Variants in VPS13A observed in about 807,000 individuals in gnomAD.
VPS13A encodes intermembrane lipid transfer protein VPS13A.
In VPS13A, 264 loss-of-function variants were observed where a neutral mutation model predicts 390.9. The ratio of observed to expected loss-of-function variants is 0.68; its 90% CI spans 0.61 to 0.75. The LOEUF is 0.75. VPS13A is among the 30% of genes least tolerant of loss of function. The pLI, the probability that VPS13A is intolerant of heterozygous loss-of-function variation, is 0.00. For synonymous variants in VPS13A, 1,231 were observed against 1,227.1 expected (o/e 1.00, Z -0.07); for missense variants, 3,409 against 3,733.9 (o/e 0.91, Z 2.27).
chr9:77,329,805 T>C (rs1439899288), intron 45 of VPS13A, among the ~76,000 whole-genome samples: 1 of 152,234 alleles, frequency 6.6e-6, no homozygotes, highest in Non-Finnish European at 1.5e-5. Context: ...AATTTACTAC[T>C]TTTGATAGTC....
intron 9 of VPS13A, 63 bp downstream of exon 9, chr9:77,213,377 G>T (rs1826079955): frequency 7.5e-7 from 1 of 1,324,572 alleles, no homozygotes; most frequent in Non-Finnish European, 1.1e-6. Context: ...TTAATTCATT[G>T]TCATTTATCT....
At chr9:77,285,205 G>A (rs1309005691) in intron 31 of VPS13A, among the ~76,000 whole-genome samples, 1 of 152,234 alleles carries the variant, frequency 6.6e-6, no homozygotes, top group South Asian at 2.1e-4. Flanking sequence ...AGAGGCATAA[G>A]GTTTTTGCCC....
chr9:77,368,777 A>C (rs1235407130), intron 62 of VPS13A, among the ~76,000 whole-genome samples: 1 of 152,228 alleles, frequency 6.6e-6, no homozygotes, highest in African/African-American at 2.4e-5. Context: ...AGAGCTTTAC[A>C]TGAATATAAT....
intron 62 of VPS13A, among the ~76,000 whole-genome samples, chr9:77,368,871 C>T (rs766095686): frequency 1.3e-4 from 19 of 151,884 alleles, no homozygotes; most frequent in Admixed American, 5.3e-4. Context: ...TGGTGGCTAA[C>T]GCCTGTAATC....
intron 23 of VPS13A, among the ~76,000 whole-genome samples, chr9:77,271,193 C>T (rs1826332623): frequency 6.6e-6 from 1 of 151,966 alleles, no homozygotes; most frequent in Non-Finnish European, 1.5e-5. Context: ...AAACAGGTAG[C>T]ATGAAAAGAT....
intron 68 of VPS13A, among the ~76,000 whole-genome samples, chr9:77,383,954 T>C (rs2131617705): frequency 6.9e-6 from 1 of 144,272 alleles, no homozygotes; most frequent in Admixed American, 7.4e-5. Flanking sequence ...GTTTTGATGG[T>C]GGTGGGTTTT....
intron 10 of VPS13A, among the ~76,000 whole-genome samples, chr9:77,218,113 T>A: frequency 7.2e-6 from 1 of 138,668 alleles, no homozygotes; most frequent in South Asian, 2.4e-4. Flanking sequence ...CTTTGCCCAC[T>A]TTTTTTTTTT....
rs1833619338 is a variant in VPS13A, at chr9:77,384,974, A to T, written c.9189+2887A>T. The T allele has an allele frequency of 3.6e-6, 4 of 1,106,840 alleles. No individual in the cohort carries two copies. The African/African-American group carries it at 6.6e-5, about 18-fold the overall frequency. The allele number at this position is 1,106,840 out of a possible 1,614,324, so 68.6% of individuals were successfully genotyped here. On this transcript the variant is annotated intron_variant, in intron 68 of 71. Coordinates refer to ENST00000360280, the MANE Select transcript of VPS13A (RefSeq NM_033305.3). The stretch of plus-strand genomic sequence containing the variant: ...AGAGTTCAAGTTAGACTTAAATATA[A>T]TTTTGATGTTCACTGGTTTTATTTT...
intron 69 of VPS13A, 57 bp from the exon 70 acceptor site, chr9:77,405,807 T>G: frequency 1.9e-6 from 3 of 1,603,396 alleles, no homozygotes; most frequent in Non-Finnish European, 2.5e-6. Flanking sequence ...CCTGTTGTTA[T>G]TGGATATAAG....
intron 1 of VPS13A, among the ~76,000 whole-genome samples, 154 bp from the exon 2 acceptor site, chr9:77,199,791 A>G (rs1564624594): frequency 6.6e-6 from 1 of 152,202 alleles, no homozygotes; most frequent in Non-Finnish European, 1.5e-5. Flanking sequence ...TAGAAGAATG[A>G]AGGTGAGATA....
chr9:77,228,317 C>T, intron 17 of VPS13A, 53 bp downstream of exon 17: 1 of 1,482,686 alleles, frequency 6.7e-7, no homozygotes. Flanking sequence ...TCACTGTGTT[C>T]TTAGACATTA....
intron 45 of VPS13A, among the ~76,000 whole-genome samples, chr9:77,325,601 G>A (rs7029172): frequency 0.2 from 30,279 of 149,970 alleles, 3,235 homozygotes; most frequent in Middle Eastern, 0.26. Flanking sequence ...TTTTGTTATG[G>A]ATTCATTTTA....
At chr9:77,374,183 AG>A (rs1486803653) in intron 67 of VPS13A, among the ~76,000 whole-genome samples, 4 of 152,130 alleles carry the variant, frequency 2.6e-5, no homozygotes, top group Admixed American at 2.6e-4. Context: ...CTTGATCTGC[AG>A]GGATCTGCAG....
chr9:77,177,536 C>T lies in VPS13A; in HGVS notation c.-169C>T. ...GCGCACGCGTCGTGAGAGCGACCGCCTCCGTCTCTCGCTGGGCTCGCTAGG... is the reference window on the plus strand; with the variant it reads ...GCGCACGCGTCGTGAGAGCGACCGCTTCCGTCTCTCGCTGGGCTCGCTAGG... On this transcript the variant is annotated 5_prime_UTR_variant, in exon 1 of 72. Transcript: ENST00000360280. 1.6e-6 allele frequency: 1 copy of T among 643,366 alleles called. No homozygotes were observed. Among genetic ancestry groups the T allele is most frequent in the Non-Finnish European group, 2.8e-6 (1 of 361,276 alleles). The allele number at this position is 643,366 out of a possible 1,614,324, so 39.9% of individuals were successfully genotyped here.
At chr9:77,384,741 A>T in intron 68 of VPS13A, 1 of 1,549,730 alleles carries the variant, frequency 6.5e-7, no homozygotes, top group South Asian at 1.2e-5. Context: ...TGTATGACTT[A>T]TACCATAATG....
intron 38 of VPS13A, among the ~76,000 whole-genome samples, 156 bp from the exon 39 acceptor site, chr9:77,316,018 T>G (rs1472737277): frequency 6.6e-6 from 1 of 151,908 alleles, no homozygotes; most frequent in Non-Finnish European, 1.5e-5. Context: ...GCCTATAGCT[T>G]CTTCAAGTCT....
chr9:77,377,321 G>A (rs1326266348), intron 67 of VPS13A, among the ~76,000 whole-genome samples: 2 of 140,720 alleles, frequency 1.4e-5, no homozygotes, highest in Non-Finnish European at 3.0e-5. Flanking sequence ...CCGGGTTCAC[G>A]CCATTCTCCT....
At chr9:77,409,181 A>C (rs754003119) in intron 71 of VPS13A, among the ~76,000 whole-genome samples, 1 of 152,228 alleles carries the variant, frequency 6.6e-6, no homozygotes, top group East Asian at 1.9e-4. Flanking sequence ...TACCCACGCA[A>C]ACAGGTCTGG....
intron 69 of VPS13A, among the ~76,000 whole-genome samples, chr9:77,404,256 A>G (rs1716039113): frequency 2.0e-5 from 3 of 152,168 alleles, no homozygotes; most frequent in African/African-American, 7.2e-5. Flanking sequence ...CTATGCCTCT[A>G]CAGGTAGACA....
Sources: gnomAD v4.1 joint callset for allele counts (sites outside exome capture counted in the v4.1 genomes callset) on GRCh38, gnomAD v4.1.1 for gene constraint, MANE v1.5 for transcripts, NCBI Gene and HGNC (gene_info 2026-07-23, HGNC 2026-07-21) for gene names.